RNF212B: variants seen among roughly 807,000 people sequenced by gnomAD.
RNF212B encodes ring finger protein 212B.
In RNF212B, 52 loss-of-function variants were observed where a neutral mutation model predicts 55.5. That is an observed-to-expected ratio of 0.94 (90% CI 0.75 to 1.18). The LOEUF (loss-of-function observed/expected upper bound fraction) is 1.18, where lower values mean the gene tolerates loss of function less well. Ranked by LOEUF, RNF212B falls within the 50% of genes most tolerant of loss-of-function variation. The pLI is 0.00. For missense variants in RNF212B, 289 were observed against 350.4 expected, an observed-to-expected ratio of 0.82 and a Z score of 1.40; for synonymous variants, 99 against 121.4, an observed-to-expected ratio of 0.82 and a Z score of 1.21.
At chr14:23,198,685 G>T (rs1055893132) in intron 2 of RNF212B, among the ~76,000 whole-genome samples, 2 of 151,396 alleles carry the variant, frequency 1.3e-5, no homozygotes, top group African/African-American at 2.4e-5. Flanking sequence ...AAAAAAAAAA[G>T]GTCCACGTAC....
At chr14:23,265,861 A>T (rs1405422759) in intron 11 of RNF212B, among the ~76,000 whole-genome samples, 1 of 151,910 alleles carries the variant, frequency 6.6e-6, no homozygotes, top group East Asian at 1.9e-4. Flanking sequence ...TTGATTTGAG[A>T]TCTTTTTTAC....
intron 4 of RNF212B, among the ~76,000 whole-genome samples, chr14:23,252,740 G>A (rs960861820): frequency 6.6e-6 from 1 of 152,084 alleles, no homozygotes; most frequent in Non-Finnish European, 1.5e-5. Context: ...TCCTCTGTGG[G>A]GGTCTTTAGA....
At chr14:23,189,960 A>C (rs562512031) in intron 1 of RNF212B, among the ~76,000 whole-genome samples, 1 of 152,230 alleles carries the variant, frequency 6.6e-6, no homozygotes, top group East Asian at 1.9e-4. Flanking sequence ...TGTGGAATCC[A>C]TTGTTGTCAA....
chr14:23,213,850 T>C (rs936709620), intron 2 of RNF212B, among the ~76,000 whole-genome samples: 1 of 152,174 alleles, frequency 6.6e-6, no homozygotes, highest in Non-Finnish European at 1.5e-5. Flanking sequence ...GCACTCATCA[T>C]ACAAGAACCA....
intron 4 of RNF212B, among the ~76,000 whole-genome samples, chr14:23,252,208 C>T (rs920564064): frequency 6.6e-6 from 1 of 152,010 alleles, no homozygotes; most frequent in Non-Finnish European, 1.5e-5. Context: ...CTCATTAGCA[C>T]ACATTCAGGT....
intron 4 of RNF212B, among the ~76,000 whole-genome samples, chr14:23,248,419 A>G (rs997973950): frequency 6.9e-6 from 1 of 144,018 alleles, no homozygotes; most frequent in African/African-American, 2.6e-5. Flanking sequence ...GGCATGAGCC[A>G]CCACGCCCAA....
chr14:23,269,896 T>G lies in RNF212B; in HGVS notation c.708T>G (p.Phe236Leu). Residue 236 changes from phenylalanine to leucine, a missense_variant, in exon 13 of 15, where the codon TTT becomes TTG. Transcript: ENST00000430154. Reference protein sequence around the residue: ...TSSASSGQGIFSFRPSPNGHS... With the variant: ...TSSASSGQGILSFRPSPNGHS... ...CTGCCTCCTCTGGACAGGGGATTTT[T>G]TCTTTCAGACCATCCCCAAATGGGC... is the stretch of plus-strand genomic sequence containing the variant. The G allele has an allele frequency of 6.5e-7, 1 of 1,549,600 alleles. No individual in the cohort carries two copies.
intron 1 of RNF212B, among the ~76,000 whole-genome samples, chr14:23,191,607 A>C (rs1419094247): frequency 6.6e-6 from 1 of 152,150 alleles, no homozygotes; most frequent in Admixed American, 6.6e-5. Context: ...ATAATCTGAT[A>C]TCTTGGATTT....
intron 2 of RNF212B, among the ~76,000 whole-genome samples, chr14:23,242,141 C>T (rs1883645696): frequency 7.7e-6 from 1 of 130,236 alleles, no homozygotes; most frequent in Non-Finnish European, 1.7e-5. Context: ...CCTTTAGTCC[C>T]CAGAGAAAGA....
intron 2 of RNF212B, among the ~76,000 whole-genome samples, chr14:23,208,176 C>T (rs79186565): frequency 0.17 from 25,271 of 152,004 alleles, 2,404 homozygotes; most frequent in South Asian, 0.31. Context: ...GGAGAAATGG[C>T]TTTTAGAGCT....
chr14:23,208,252 T>C (rs1594876630), intron 2 of RNF212B, among the ~76,000 whole-genome samples: 2 of 152,302 alleles, frequency 1.3e-5, no homozygotes, highest in South Asian at 2.1e-4. Context: ...CCGGATGTGG[T>C]GGCTCACACT....
chr14:23,243,253 C>T lies in RNF212B; in HGVS notation c.101-3C>T. On this transcript the variant is annotated splice_region_variant and splice_polypyrimidine_tract_variant and intron_variant, in intron 2 of 14. Coordinates refer to ENST00000430154, the MANE Select transcript of RNF212B (RefSeq NM_001282322.3). ...CAAATATTTTTTTCCCTTTTCCTCC[C>T]AGAAAAATGTGCTGTTTGTGGAACT... 1.9e-6 allele frequency: 3 copies of T among 1,549,272 alleles called. No individual in the cohort carries two copies. The highest frequency in any genetic ancestry group is 2.6e-6 in the Non-Finnish European group (3 of 1,146,630).
intron 11 of RNF212B, among the ~76,000 whole-genome samples, chr14:23,266,867 T>G (rs1885745831): frequency 6.6e-6 from 1 of 152,252 alleles, no homozygotes; most frequent in South Asian, 2.1e-4. Flanking sequence ...TCAATTAGTA[T>G]GCTTCTGTTT....
chr14:23,235,819 C>T (rs767994669), upstream of RNF212B, among the ~76,000 whole-genome samples: 1 of 152,168 alleles, frequency 6.6e-6, no homozygotes, highest in Admixed American at 6.5e-5. Context: ...GTTACAAAAT[C>T]GTGCATGGGC....
intron 2 of RNF212B, among the ~76,000 whole-genome samples, chr14:23,221,524 G>A (rs1259055227): frequency 6.6e-6 from 1 of 152,174 alleles, no homozygotes; most frequent in Non-Finnish European, 1.5e-5. Flanking sequence ...GAGAAAGACA[G>A]ACTCCAATAC....
intron 4 of RNF212B, among the ~76,000 whole-genome samples, chr14:23,248,629 A>G (rs1884180769): frequency 6.6e-6 from 1 of 151,386 alleles, no homozygotes; most frequent in Non-Finnish European, 1.5e-5. Context: ...TTTAATAGAG[A>G]TGGGGTTTCA....
chr14:23,264,630 G>C lies in RNF212B; in HGVS notation c.593G>C (p.Arg198Thr). 1 of 1,341,000 alleles carries C rather than the reference G, an allele frequency of 7.5e-7. No homozygotes were observed. The allele number at this position is 1,341,000 out of a possible 1,614,324, so 83.1% of individuals were successfully genotyped here. The change falls in exon 11 of 15, where the codon AGA becomes ACA. Residue 198 changes from arginine (R) to threonine (T), a missense_variant. Arg to Thr is a moderately conservative substitution (Grantham distance 71, BLOSUM62 -1). Coordinates refer to ENST00000430154, the MANE Select transcript of RNF212B (RefSeq NM_001282322.3). ...TTATTATTTGTCTATCAGGGAGGCAGAGGTCTGCAGGGAAGGAGAACTCCC... is the reference window on the plus strand; with the variant it reads ...TTATTATTTGTCTATCAGGGAGGCACAGGTCTGCAGGGAAGGAGAACTCCC... The part of the protein sequence containing the change: ...AGFGSLGQGG[R>T]GLQGRRTPRD...
chr14:23,205,292 C>T (rs1465971913), intron 2 of RNF212B, among the ~76,000 whole-genome samples: 3 of 140,394 alleles, frequency 2.1e-5, no homozygotes, highest in Non-Finnish European at 4.6e-5. Flanking sequence ...AAATTTTTCT[C>T]TTTTTTTTAA....
intron 4 of RNF212B, among the ~76,000 whole-genome samples, chr14:23,257,205 C>T (rs1249708144): frequency 6.6e-6 from 1 of 151,982 alleles, no homozygotes; most frequent in Admixed American, 6.6e-5. Context: ...TTCATAGAGA[C>T]AGGGTCTTGC....
Sources: gnomAD v4.1 joint callset for allele counts (sites outside exome capture counted in the v4.1 genomes callset) on GRCh38, gnomAD v4.1.1 for gene constraint, MANE v1.5 for transcripts, NCBI Gene and HGNC (gene_info 2026-07-23, HGNC 2026-07-21) for gene names.